The following ASMTL variants were observed in gnomAD, a reference collection of about 807,000 sequenced individuals.
ASMTL encodes probable bifunctional dTTP/UTP pyrophosphatase/methyltransferase protein.
A neutral mutation model predicts 60.3 loss-of-function variants in ASMTL; 57 were observed. That is an observed-to-expected ratio of 0.95 (90% CI 0.76 to 1.18). The LOEUF is 1.18. Ranked by LOEUF, ASMTL falls within the 50% of genes most tolerant of loss-of-function variation. The probability of loss-of-function intolerance (pLI) is 0.00; values close to 1 mark genes in which losing one functional copy is unlikely to be tolerated. For synonymous variants in ASMTL, 419 were observed against 373.0 expected (o/e 1.12, Z -1.42); for missense variants, 981 against 852.6 (o/e 1.15, Z -1.88).
intron 5 of ASMTL, 55 bp downstream of exon 5, chrX:1,434,967 T>C: frequency 6.3e-7 from 1 of 1,598,486 alleles, no homozygotes; most frequent in Non-Finnish European, 8.6e-7. Flanking sequence ...CCCGAGAATG[T>C]CCCGGGTCCT....
At position 1,412,801 on chromosome X, in the gene ASMTL, T is replaced by C; in HGVS notation, c.1576A>G (p.Ile526Val). 6.2e-7 allele frequency: 1 copy of C among 1,613,916 alleles called. No individual in the cohort carries two copies. The highest frequency in any genetic ancestry group is 8.5e-7 in the Non-Finnish European group (1 of 1,179,856). Residue 526 changes from isoleucine (I) to valine (V), a missense_variant, in exon 12 of 13, where the codon ATC (isoleucine) becomes GTC (valine). Physicochemically the swap from Ile to Val is conservative, Grantham distance 29. Coordinates refer to ENST00000381317, the MANE Select transcript of ASMTL (RefSeq NM_004192.4). ...PSAELYVLCR[I>V]LHDWPDDKVH... Reference sequence around the variant, plus strand: ...TTGTCGTCTGGCCAGTCATGCAGGATCCGGCACAGGACGTACAGCTCAGCG... The same window carrying C: ...TTGTCGTCTGGCCAGTCATGCAGGACCCGGCACAGGACGTACAGCTCAGCG...
At chrX:1,425,738 T>C in intron 7 of ASMTL, 51 bp from the exon 8 acceptor site, 2 of 1,578,334 alleles carry the variant, frequency 1.3e-6, no homozygotes, top group Non-Finnish European at 1.7e-6. Flanking sequence ...TCCAGTACTT[T>C]CTACTCCCAC....
chrX:1,416,947 CAG>C (rs1424561191), intron 11 of ASMTL, among the ~76,000 whole-genome samples: 23 of 150,638 alleles, frequency 1.5e-4, no homozygotes, highest in South Asian at 6.3e-4. Context: ...GACTCAGACA[CAG>C]AGACATTCTG....
chrX:1,424,939 A>T (rs62636705), intron 8 of ASMTL, among the ~76,000 whole-genome samples: 1 of 146,018 alleles, frequency 6.8e-6, no homozygotes, highest in Non-Finnish European at 1.5e-5. Flanking sequence ...TCCATTGATC[A>T]ATCCATCTGT....
chrX:1,413,067 T>A (rs1291642971), intron 11 of ASMTL: 7 of 598,044 alleles, frequency 1.2e-5, no homozygotes, highest in Admixed American at 2.9e-5. Flanking sequence ...GCGGTTTGAC[T>A]CGGGCTGAGA....
chrX:1,438,625 G>T (rs1474390759), intron 3 of ASMTL, among the ~76,000 whole-genome samples: 1 of 152,194 alleles, frequency 6.6e-6, no homozygotes, highest in African/African-American at 2.4e-5. Flanking sequence ...CGATTCCCCT[G>T]CCTCAGCCTC....
At chrX:1,434,729 AG>A (rs1393724386) in intron 5 of ASMTL, among the ~76,000 whole-genome samples, 2 of 147,408 alleles carry the variant, frequency 1.4e-5, no homozygotes, top group Non-Finnish European at 3.0e-5. Flanking sequence ...TGGGAGGCGG[AG>A]GTTGCAGTGA....
At chrX:1,418,723 A>G (rs1428469312) in intron 10 of ASMTL, among the ~76,000 whole-genome samples, 1 of 152,090 alleles carries the variant, frequency 6.6e-6, no homozygotes, top group Non-Finnish European at 1.5e-5. Context: ...AGGGGAATCC[A>G]GGGGTTCCAA....
chrX:1,412,711 A>C (rs1569531563), intron 12 of ASMTL, 21 bp downstream of exon 12: 1 of 1,613,872 alleles, frequency 6.2e-7, no homozygotes, highest in Non-Finnish European at 8.5e-7. Flanking sequence ...AAAAACAGCT[A>C]ACCTGACGAT....
In ASMTL at chrX:1,427,893, C is replaced by T. The variant is rs374324655; in HGVS notation, c.738G>A (p.Ser246=). The stretch of plus-strand genomic sequence containing the variant: ...TGCCCGCGTCCCTCTGAGTGGGCTC[C>T]GAGCCGCCCCCCTCCACGTCACTGA... The part of the protein sequence containing the change: ...EDLSDVEGGG[S]EPTQRDAGSR... The change falls in exon 7 of 13, where the codon TCG becomes TCA. Residue 246 remains serine (S), a synonymous_variant. Coordinates refer to ENST00000381317, the MANE Select transcript of ASMTL (RefSeq NM_004192.4). 8 of 1,613,114 alleles carry T rather than the reference C, an allele frequency of 5.0e-6. No homozygotes were observed. Among genetic ancestry groups the T allele is most frequent in the Middle Eastern group, 1.7e-4 (1 of 6,020 alleles).
intron 3 of ASMTL, among the ~76,000 whole-genome samples, chrX:1,435,985 G>C (rs763166339): frequency 1.7e-4 from 26 of 152,228 alleles, no homozygotes; most frequent in African/African-American, 5.8e-4. Flanking sequence ...TCCCCACGCA[G>C]CTGTCCCTCC....
intron 6 of ASMTL, among the ~76,000 whole-genome samples, chrX:1,431,305 TA>T (rs1486003652): frequency 2.3e-5 from 3 of 131,342 alleles, no homozygotes; most frequent in Admixed American, 8.4e-5. Flanking sequence ...ATAAAATATA[TA>T]AAATTATATA....
In ASMTL at chrX:1,406,172, G is replaced by A. The variant is rs189383053; in HGVS notation, c.1646-2683C>T. Among the ~76,000 whole-genome samples the A allele has an allele frequency of 4.8e-4, 71 of 146,904 alleles. No individual in the cohort carries two copies. In the East Asian group the frequency reaches 0.013, roughly 27 times the overall value. The stretch of plus-strand genomic sequence containing the variant: ...AGATGGATGGATGGCTGAATAGATG[G>A]TAGATGATGGGTAGATAGATGAATG... On this transcript the variant is annotated intron_variant, in intron 12 of 12. Transcript: ENST00000381317.
intron 1 of ASMTL, among the ~76,000 whole-genome samples, chrX:1,451,558 T>TC (rs2091385200): frequency 7.9e-6 from 1 of 126,478 alleles, no homozygotes; most frequent in Non-Finnish European, 1.7e-5. Context: ...TACTCTCCCA[T>TC]CCCCATTCCT....
At chrX:1,421,590 C>A in intron 9 of ASMTL, 68 bp downstream of exon 9, 1 of 1,543,854 alleles carries the variant, frequency 6.5e-7, no homozygotes, top group Non-Finnish European at 8.9e-7. Context: ...GCCTACTGAT[C>A]TGTGTGTCAA....
At chrX:1,412,940 C>T (rs1406069690) in intron 11 of ASMTL, 86 bp from the exon 12 acceptor site, 13 of 1,485,102 alleles carry the variant, frequency 8.8e-6, no homozygotes, top group Middle Eastern at 2.0e-4. Flanking sequence ...CCACCCGCAT[C>T]CTAAATCAGG....
chrX:1,417,910 C>T, intron 11 of ASMTL, 63 bp downstream of exon 11: 1 of 1,543,606 alleles, frequency 6.5e-7, no homozygotes, highest in Non-Finnish European at 8.8e-7. Context: ...GCCATGCCCT[C>T]TGTCTAGAAA....
chrX:1,411,760 C>T (rs1200371837), intron 12 of ASMTL, among the ~76,000 whole-genome samples: 3 of 151,308 alleles, frequency 2.0e-5, no homozygotes, highest in Non-Finnish European at 4.4e-5. Context: ...TATCATGAGC[C>T]ACTTCAACTT....
rs759523157 is a variant in ASMTL at position 1,443,441 on chromosome X, A to G, written c.94-1124T>C. Among the ~76,000 whole-genome samples the G allele has an allele frequency of 6.8e-5, 10 of 147,092 alleles. No homozygotes were observed. In the East Asian group the frequency reaches 2.0e-3, roughly 30 times the overall value. Reference sequence around the variant, plus strand: ...TTGGACACACACCGCCATCTTGGACAGACACCGCCATCTTGGACACACACC... The same window carrying G: ...TTGGACACACACCGCCATCTTGGACGGACACCGCCATCTTGGACACACACC... On this transcript the variant is annotated intron_variant, in intron 1 of 12. Coordinates refer to ENST00000381317, the MANE Select transcript of ASMTL (RefSeq NM_004192.4).
Sources: allele counts gnomAD v4.1 joint callset (sites outside exome capture counted in the v4.1 genomes callset), GRCh38; gene constraint gnomAD v4.1.1; transcripts MANE v1.5; gene names NCBI Gene and HGNC (gene_info 2026-07-23, HGNC 2026-07-21).